Variants in TANC1 observed in about 807,000 individuals in gnomAD.
TANC1 encodes the protein tetratricopeptide repeat, ankyrin repeat and coiled-coil containing 1.
In TANC1, 77 loss-of-function variants were observed where a neutral mutation model predicts 149.7. That is an observed-to-expected ratio of 0.51 (90% CI 0.43 to 0.62). The LOEUF is 0.62. TANC1 is among the 20% of genes least tolerant of loss of function. TANC1 has a pLI of 0.00. For missense variants in TANC1, 1,985 were observed against 2,321.8 expected, an observed-to-expected ratio of 0.85 and a Z score of 2.98; for synonymous variants, 854 against 925.0, an observed-to-expected ratio of 0.92 and a Z score of 1.39.
At chr2:159,029,086 G>T (rs981929126) in intron 2 of TANC1, among the ~76,000 whole-genome samples, 7 of 152,162 alleles carry the variant, frequency 4.6e-5, no homozygotes, top group Admixed American at 4.6e-4. Flanking sequence ...CCTCATAAGA[G>T]TGGAATCGTG....
chr2:159,006,295 C>CAA (rs71406138), intron 2 of TANC1, among the ~76,000 whole-genome samples: 2,792 of 74,802 alleles, frequency 0.037, 89 homozygotes, highest in Non-Finnish European at 0.046. Context: ...GACTTAGTCT[C>CAA]AAAAAAAAAA....
chr2:159,059,512 A>AT (rs1187973952), intron 2 of TANC1, among the ~76,000 whole-genome samples: 1 of 133,912 alleles, frequency 7.5e-6, no homozygotes, highest in Non-Finnish European at 1.7e-5. Flanking sequence ...CTTAAAAAAA[A>AT]CCAAATATAT....
chr2:159,184,955 G>A (rs558253367), intron 14 of TANC1, among the ~76,000 whole-genome samples: 3 of 152,296 alleles, frequency 2.0e-5, no homozygotes, highest in Admixed American at 2.0e-4. Context: ...AAAGACAAAT[G>A]CAGTTTAAAT....
chr2:158,993,684 T>C lies in TANC1; in HGVS notation c.-125-7396T>C, dbSNP rs146133949. 1.7e-3 allele frequency among the ~76,000 whole-genome samples: 257 copies of C among 152,314 alleles called. 1 individual carries two copies. The highest frequency in any genetic ancestry group is 5.9e-3 in the African/African-American group (245 of 41,574). Reference sequence around the variant, plus strand: ...GTTAATTTCTAAAGCCATCTTCTGGTTTGTCTCAAGAGAAGACATTACCTT... The same window carrying C: ...GTTAATTTCTAAAGCCATCTTCTGGCTTGTCTCAAGAGAAGACATTACCTT... On this transcript the variant is annotated intron_variant, in intron 1 of 26. Transcript: ENST00000263635.
chr2:159,062,266 A>G (rs1440619188), intron 2 of TANC1, among the ~76,000 whole-genome samples: 4 of 152,050 alleles, frequency 2.6e-5, no homozygotes, highest in Non-Finnish European at 4.4e-5. Context: ...ACAAAACAAA[A>G]ACCACACACA....
intron 4 of TANC1, among the ~76,000 whole-genome samples, chr2:159,132,825 A>G (rs769528921): frequency 4.0e-5 from 6 of 151,720 alleles, no homozygotes; most frequent in Non-Finnish European, 5.9e-5. Context: ...GGTCTGCCCA[A>G]CTCATGAGTC....
At chr2:159,209,366 G>A (rs2058836529) in intron 19 of TANC1, among the ~76,000 whole-genome samples, 1 of 152,216 alleles carries the variant, frequency 6.6e-6, no homozygotes, top group Non-Finnish European at 1.5e-5. Flanking sequence ...TCTAATAGAA[G>A]CCTTCCCCTC....
At chr2:159,179,296 T>A (rs2056214901) in intron 14 of TANC1, 133 bp downstream of exon 14, 1 of 1,284,728 alleles carries the variant, frequency 7.8e-7, no homozygotes, top group Admixed American at 2.4e-5. Context: ...TGCTTTGTTT[T>A]ATTATTTTTC....
intron 1 of TANC1, among the ~76,000 whole-genome samples, chr2:158,973,759 A>G (rs1270629536): frequency 6.6e-6 from 1 of 152,188 alleles, no homozygotes; most frequent in Non-Finnish European, 1.5e-5. Context: ...GATCATAACA[A>G]CATACCAAAG....
chr2:159,039,495 A>T (rs1218572073), intron 2 of TANC1, among the ~76,000 whole-genome samples: 1 of 152,192 alleles, frequency 6.6e-6, no homozygotes, highest in Non-Finnish European at 1.5e-5. Context: ...ATTTAGTGCT[A>T]TAAATTTCCC....
chr2:158,970,930 T>A (rs1045197569), intron 1 of TANC1, among the ~76,000 whole-genome samples: 2 of 152,266 alleles, frequency 1.3e-5, no homozygotes, highest in Non-Finnish European at 2.9e-5. Context: ...TCCTGCTTTC[T>A]TGGTTTAACC....
At chr2:159,150,222 A>T in intron 6 of TANC1, 148 bp from the exon 7 acceptor site, 1 of 605,642 alleles carries the variant, frequency 1.7e-6, no homozygotes, top group East Asian at 2.8e-5. Context: ...CCATGAATCC[A>T]TATCTATACA....
At chr2:159,062,696 G>A (rs577541404) in intron 2 of TANC1, among the ~76,000 whole-genome samples, 2 of 152,062 alleles carry the variant, frequency 1.3e-5, no homozygotes, top group East Asian at 1.9e-4. Flanking sequence ...GGCCGGGCGC[G>A]GTGGCTCACG....
Position 159,175,278 on chromosome 2 carries a change from A to G in TANC1, c.1735+94A>G, listed in dbSNP as rs1388434285. On this transcript the variant is annotated intron_variant, in intron 12 of 26. Coordinates refer to ENST00000263635, the MANE Select transcript of TANC1 (RefSeq NM_033394.3). ...GGCAGGTGGTCAGCCGGGCTGGGGT[A>G]GAAGTGAGGTGGAGCATGGAGAGGA... 3 of 974,068 alleles carry G rather than the reference A, an allele frequency of 3.1e-6. No individual in the cohort carries two copies. The African/African-American group carries it at 4.8e-5, about 16-fold the overall frequency. The allele number at this position is 974,068 out of a possible 1,614,324, so 60.3% of individuals were successfully genotyped here.
chr2:158,981,892 T>C (rs1402840499), intron 1 of TANC1, among the ~76,000 whole-genome samples: 4 of 152,124 alleles, frequency 2.6e-5, no homozygotes, highest in Non-Finnish European at 4.4e-5. Context: ...TAAATGCTTA[T>C]GCTAATCTAA....
At chr2:159,002,830 C>T (rs931829341) in intron 2 of TANC1, among the ~76,000 whole-genome samples, 4 of 152,126 alleles carry the variant, frequency 2.6e-5, no homozygotes, top group East Asian at 1.9e-4. Context: ...CCATGGAGAG[C>T]GTGGTTCTGT....
intron 4 of TANC1, among the ~76,000 whole-genome samples, chr2:159,133,558 T>C (rs1041095314): frequency 6.6e-6 from 1 of 152,126 alleles, no homozygotes; most frequent in African/African-American, 2.4e-5. Flanking sequence ...CAGGCCCTTC[T>C]TTCTAGTTTA....
chr2:159,197,169 C>G (rs1399182264), intron 18 of TANC1, among the ~76,000 whole-genome samples: 4 of 152,164 alleles, frequency 2.6e-5, no homozygotes, highest in Admixed American at 2.6e-4. Context: ...AATCCTGATT[C>G]TAAAATCGTT....
At chr2:158,991,995 A>G (rs940695068) in intron 1 of TANC1, among the ~76,000 whole-genome samples, 1 of 152,222 alleles carries the variant, frequency 6.6e-6, no homozygotes, top group African/African-American at 2.4e-5. Flanking sequence ...GTGCTCTCAC[A>G]TCAATTAAAA....
Sources: allele counts gnomAD v4.1 joint callset (sites outside exome capture counted in the v4.1 genomes callset), GRCh38; gene constraint gnomAD v4.1.1; transcripts MANE v1.5; gene names NCBI Gene and HGNC (gene_info 2026-07-23, HGNC 2026-07-21).